Variants in KCNMB2 observed in about 807,000 individuals in gnomAD.
KCNMB2 encodes potassium calcium-activated channel subfamily M regulatory beta subunit 2.
Under a neutral mutation model 24.5 loss-of-function variants are expected in KCNMB2, and 9 were observed. The observed-to-expected ratio is 0.37, with a 90% CI of 0.22 to 0.64. The LOEUF (loss-of-function observed/expected upper bound fraction) is 0.64. Among genes scored for constraint, KCNMB2 ranks in the 30% least tolerant of loss-of-function variants. KCNMB2 has a pLI of 0.63. For missense variants in KCNMB2, 226 were observed against 284.3 expected (o/e 0.79, Z 1.47); for synonymous variants, 109 against 104.4 (o/e 1.04, Z -0.27).
intron 4 of KCNMB2, among the ~76,000 whole-genome samples, chr3:178,836,155 C>G (rs959428149): frequency 6.6e-6 from 1 of 152,050 alleles, no homozygotes; most frequent in African/African-American, 2.4e-5. Context: ...ACTGCCTCCT[C>G]CCTTCCCCAC....
chr3:178,745,850 C>T (rs924011123), intron 1 of KCNMB2, among the ~76,000 whole-genome samples: 1 of 152,228 alleles, frequency 6.6e-6, no homozygotes, highest in African/African-American at 2.4e-5. Flanking sequence ...TGTCTCACAT[C>T]CAGGTCACGC....
At chr3:178,763,320 G>A (rs528336471) in intron 1 of KCNMB2, among the ~76,000 whole-genome samples, 8 of 152,118 alleles carry the variant, frequency 5.3e-5, no homozygotes, top group Non-Finnish European at 7.4e-5. Flanking sequence ...CTGTACAGGA[G>A]CAGAAAAGAT....
At chr3:178,684,654 C>A (rs899482078) in intron 1 of KCNMB2, among the ~76,000 whole-genome samples, 3 of 151,924 alleles carry the variant, frequency 2.0e-5, no homozygotes, top group African/African-American at 7.3e-5. Context: ...ATGGAGAAAC[C>A]CCGTCTCTAC....
At chr3:178,744,581 C>A (rs111715202) in intron 1 of KCNMB2, among the ~76,000 whole-genome samples, 2 of 152,160 alleles carry the variant, frequency 1.3e-5, no homozygotes, top group East Asian at 3.9e-4. Context: ...AAATCTTTGA[C>A]AAACCTTGTT....
At chr3:178,563,422 C>G (rs952204754) in intron 1 of KCNMB2, among the ~76,000 whole-genome samples, 2 of 152,096 alleles carry the variant, frequency 1.3e-5, no homozygotes, top group African/African-American at 2.4e-5. Context: ...GGTTATGAGA[C>G]AGTATTCTGA....
chr3:178,731,627 G>T (rs913995785), intron 1 of KCNMB2, among the ~76,000 whole-genome samples: 1 of 152,178 alleles, frequency 6.6e-6, no homozygotes, highest in African/African-American at 2.4e-5. Flanking sequence ...AACCTAGCCG[G>T]GCACAGTGGC....
At chr3:178,778,462 A>ACGCACGCACGCGCGCGCGCGCGCGCG (rs1437410515) in intron 1 of KCNMB2, among the ~76,000 whole-genome samples, 2 of 63,538 alleles carry the variant, frequency 3.1e-5, no homozygotes, top group Non-Finnish European at 6.1e-5. Context: ...TAAGACACAC[A>ACGCACGCACGCGCGCGCGCGCGCGCG]CACACACACA....
At chr3:178,835,826 A>G (rs185502689) in intron 4 of KCNMB2, among the ~76,000 whole-genome samples, 1 of 152,244 alleles carries the variant, frequency 6.6e-6, no homozygotes, top group East Asian at 1.9e-4. Context: ...GTCTTTACTG[A>G]AAGGCTTTTT....
chr3:178,730,747 C>T (rs928823098), intron 1 of KCNMB2, among the ~76,000 whole-genome samples: 1 of 152,094 alleles, frequency 6.6e-6, no homozygotes, highest in African/African-American at 2.4e-5. Flanking sequence ...ATAAGCTCAG[C>T]TAATGCCTGC....
At chr3:178,683,765 C>G (rs1560165112) in intron 1 of KCNMB2, among the ~76,000 whole-genome samples, 1 of 152,080 alleles carries the variant, frequency 6.6e-6, no homozygotes, top group Non-Finnish European at 1.5e-5. Context: ...AAATGCTTAT[C>G]AAAACACTCA....
chr3:178,682,160 C>A (rs1484015715), intron 1 of KCNMB2, among the ~76,000 whole-genome samples: 3 of 152,128 alleles, frequency 2.0e-5, no homozygotes, highest in Non-Finnish European at 4.4e-5. Flanking sequence ...TTTGAACCTG[C>A]AATCTTATTT....
At chr3:178,563,407 G>A (rs1716394486) in intron 1 of KCNMB2, among the ~76,000 whole-genome samples, 1 of 152,178 alleles carries the variant, frequency 6.6e-6, no homozygotes, top group South Asian at 2.1e-4. Flanking sequence ...AAACATTCAT[G>A]AGATGGTTAT....
At chr3:178,565,655 A>G (rs915565788) in intron 1 of KCNMB2, among the ~76,000 whole-genome samples, 1 of 152,176 alleles carries the variant, frequency 6.6e-6, no homozygotes, top group African/African-American at 2.4e-5. Flanking sequence ...TTACCCCCAG[A>G]AGACATGGCT....
chr3:178,708,334 G>C (rs1309710234), intron 1 of KCNMB2, among the ~76,000 whole-genome samples: 1 of 152,098 alleles, frequency 6.6e-6, no homozygotes, highest in Non-Finnish European at 1.5e-5. Flanking sequence ...GGTGATGGAA[G>C]CCAGCTTTCA....
rs903548055 is a variant in KCNMB2, at chr3:178,676,045, G to A, written c.-67-131298G>A. On this transcript the variant is annotated intron_variant, in intron 1 of 4. Transcript: ENST00000452583. Reference sequence around the variant, plus strand: ...GCCTAAAATCTCCCAGCTAGTATGAGATAGGGTCAGTATTCAAACTCAAGT... The same window carrying A: ...GCCTAAAATCTCCCAGCTAGTATGAAATAGGGTCAGTATTCAAACTCAAGT... Among the ~76,000 whole-genome samples, 3 of 152,180 alleles carry A rather than the reference G, an allele frequency of 2.0e-5. No individual in the cohort carries two copies. The South Asian group carries it at 6.2e-4, about 31-fold the overall frequency.
intron 1 of KCNMB2, among the ~76,000 whole-genome samples, chr3:178,715,144 C>T (rs764936744): frequency 3.3e-5 from 5 of 152,048 alleles, no homozygotes; most frequent in Non-Finnish European, 5.9e-5. Flanking sequence ...CCTGTGTTCC[C>T]GAGAGCTTTG....
chr3:178,553,251 T>C (rs935303456), intron 1 of KCNMB2, among the ~76,000 whole-genome samples: 8 of 152,232 alleles, frequency 5.3e-5, no homozygotes, highest in Non-Finnish European at 1.0e-4. Context: ...TTATCCTACC[T>C]AAGTACAATC....
intron 1 of KCNMB2, among the ~76,000 whole-genome samples, chr3:178,555,536 T>C (rs568791771): frequency 4.6e-5 from 7 of 152,334 alleles, no homozygotes; most frequent in African/African-American, 1.4e-4. Context: ...GCTCATATGA[T>C]GGGTGAGCAA....
In KCNMB2 at chr3:178,788,404, G is replaced by A. The variant is rs372593529; in HGVS notation, c.-67-18939G>A. Among the ~76,000 whole-genome samples, 86 of 152,080 alleles carry A rather than the reference G, an allele frequency of 5.7e-4. 1 individual carries two copies. In the South Asian group the frequency reaches 0.011, roughly 19 times the overall value. ...TTTCCATTTCTTCAGAGGGCTTTTC[G>A]GGTTCTTTGGAAAAAAATCAAACAG... On this transcript the variant is annotated intron_variant, in intron 1 of 4. Transcript: ENST00000452583.
Sources: allele counts gnomAD v4.1 joint callset (sites outside exome capture counted in the v4.1 genomes callset), GRCh38; gene constraint gnomAD v4.1.1; transcripts MANE v1.5; gene names NCBI Gene and HGNC (gene_info 2026-07-23, HGNC 2026-07-21).